TMEM132C: variants seen among roughly 807,000 people sequenced by gnomAD.
TMEM132C encodes the protein protein phosphatase 1, regulatory subunit 152.
In TMEM132C, 29 loss-of-function variants were observed where a neutral mutation model predicts 61.4. The ratio of observed to expected loss-of-function variants is 0.47; its 90% CI spans 0.35 to 0.64. The LOEUF is 0.64. TMEM132C is among the 30% of genes least tolerant of loss of function. The probability of loss-of-function intolerance (pLI) is 0.00; values close to 1 mark genes in which losing one functional copy is unlikely to be tolerated. For missense variants in TMEM132C, 1,408 were observed against 1,476.9 expected, an observed-to-expected ratio of 0.95 and a Z score of 0.76; for synonymous variants, 656 against 633.1, an observed-to-expected ratio of 1.04 and a Z score of -0.54.
Position 128,325,947 on chromosome 12 carries a change from C to CAGTG in TMEM132C, c.85+58463_85+58466dup, listed in dbSNP as rs531714472. On this transcript the variant is annotated intron_variant, in intron 1 of 8. Transcript: ENST00000435159. ...TCTTGCTCCTCGGTCTGCAGCCCCA[C>CAGTG]AGTGAGCAGGACATATGTGGTCCCT... Among the ~76,000 whole-genome samples, 62 of 152,208 alleles carry CAGTG rather than the reference C, an allele frequency of 4.1e-4. No homozygotes were observed. The South Asian group carries it at 0.013, about 32-fold the overall frequency.
intron 1 of TMEM132C, among the ~76,000 whole-genome samples, chr12:128,359,579 GA>G (rs1480851569): frequency 2.0e-5 from 3 of 152,140 alleles, no homozygotes; most frequent in Non-Finnish European, 4.4e-5. Flanking sequence ...AGTCACATGA[GA>G]AAAAACAGCC....
At chr12:128,571,956 T>C (rs759119799) in intron 3 of TMEM132C, among the ~76,000 whole-genome samples, 3 of 152,246 alleles carry the variant, frequency 2.0e-5, no homozygotes, top group Non-Finnish European at 4.4e-5. Flanking sequence ...GGGTAGAGAA[T>C]TACTGGCTGT....
intron 1 of TMEM132C, among the ~76,000 whole-genome samples, chr12:128,366,013 G>A (rs984143736): frequency 3.3e-5 from 5 of 152,324 alleles, no homozygotes; most frequent in Non-Finnish European, 5.9e-5. Flanking sequence ...TCCGCGGGCC[G>A]TGATTAAACA....
intron 3 of TMEM132C, among the ~76,000 whole-genome samples, chr12:128,572,553 A>G (rs924906477): frequency 6.8e-6 from 1 of 147,404 alleles, no homozygotes; most frequent in Non-Finnish European, 1.5e-5. Flanking sequence ...TCACATGCTT[A>G]CTTGTGGCGT....
At chr12:128,330,338 G>T (rs1422892678) in intron 1 of TMEM132C, among the ~76,000 whole-genome samples, 16 of 152,234 alleles carry the variant, frequency 1.1e-4, no homozygotes, top group Non-Finnish European at 2.9e-5. Flanking sequence ...ATTCCTCTCT[G>T]CTGTGTGATC....
At chr12:128,641,531 G>C (rs1954157824) in intron 4 of TMEM132C, among the ~76,000 whole-genome samples, 1 of 152,176 alleles carries the variant, frequency 6.6e-6, no homozygotes, top group Non-Finnish European at 1.5e-5. Context: ...TGGGAAGAGG[G>C]AGGCAGAGAT....
At chr12:128,583,108 A>T (rs530942957) in intron 3 of TMEM132C, among the ~76,000 whole-genome samples, 1 of 152,214 alleles carries the variant, frequency 6.6e-6, no homozygotes, top group Non-Finnish European at 1.5e-5. Flanking sequence ...ACTGAAAACA[A>T]CCCAAAAGTT....
At chr12:128,628,917 A>G (rs1361672634) in intron 4 of TMEM132C, among the ~76,000 whole-genome samples, 1 of 152,250 alleles carries the variant, frequency 6.6e-6, no homozygotes, top group Non-Finnish European at 1.5e-5. Context: ...GTCAGCCTTT[A>G]TTCTACAGCC....
At chr12:128,589,328 A>G (rs756363572) in intron 3 of TMEM132C, among the ~76,000 whole-genome samples, 23 of 152,036 alleles carry the variant, frequency 1.5e-4, no homozygotes, top group Non-Finnish European at 2.5e-4. Context: ...CCAAGATCAG[A>G]CTTTTCTGCA....
At chr12:128,520,394 A>T (rs1872861434) in intron 2 of TMEM132C, among the ~76,000 whole-genome samples, 1 of 152,252 alleles carries the variant, frequency 6.6e-6, no homozygotes, top group Admixed American at 6.5e-5. Flanking sequence ...TGTGAGCAAA[A>T]GAGATGTGTT....
At chr12:128,574,810 A>G (rs73161905) in intron 3 of TMEM132C, among the ~76,000 whole-genome samples, 19,006 of 152,222 alleles carry the variant, frequency 0.12, 1,240 homozygotes, top group Middle Eastern at 0.16. Flanking sequence ...GAATTTGGCC[A>G]GTGCAGGCAG....
At chr12:128,664,212 ATGCC>A (rs1954433620) in intron 4 of TMEM132C, among the ~76,000 whole-genome samples, 8 of 91,048 alleles carry the variant, frequency 8.8e-5, no homozygotes, top group African/African-American at 4.4e-4. Flanking sequence ...GCACACACAC[ATGCC>A]TGTGTGTGTT....
chr12:128,317,107 G>A (rs1872177638), intron 1 of TMEM132C, among the ~76,000 whole-genome samples: 1 of 152,100 alleles, frequency 6.6e-6, no homozygotes, highest in Admixed American at 6.5e-5. Flanking sequence ...CTTTTTGGCT[G>A]CTCAAAACCA....
chr12:128,684,955 A>G (rs544995902), intron 5 of TMEM132C, among the ~76,000 whole-genome samples: 3 of 152,328 alleles, frequency 2.0e-5, no homozygotes, highest in African/African-American at 7.2e-5. Flanking sequence ...CTCTGGGGTG[A>G]GAACAGGTAC....
chr12:128,421,305 C>T (rs1240383160), intron 2 of TMEM132C, among the ~76,000 whole-genome samples: 2 of 152,228 alleles, frequency 1.3e-5, no homozygotes, highest in Non-Finnish European at 2.9e-5. Flanking sequence ...CCATATCTCT[C>T]CAGCTGCCTC....
intron 1 of TMEM132C, among the ~76,000 whole-genome samples, chr12:128,339,164 G>A (rs1400539223): frequency 1.3e-5 from 2 of 152,098 alleles, no homozygotes; most frequent in East Asian, 1.9e-4. Flanking sequence ...CAAAGCACTG[G>A]AGGTCAGCCC....
chr12:128,504,472 A>G (rs1872288869), intron 2 of TMEM132C, among the ~76,000 whole-genome samples: 1 of 152,202 alleles, frequency 6.6e-6, no homozygotes, highest in Non-Finnish European at 1.5e-5. Flanking sequence ...GGCTGCCATA[A>G]GATGATACCA....
intron 1 of TMEM132C, among the ~76,000 whole-genome samples, chr12:128,295,764 A>G (rs1278583153): frequency 1.4e-5 from 2 of 146,820 alleles, no homozygotes. Context: ...TTCAGTTTTA[A>G]GCACCAATTA....
At position 128,361,102 on chromosome 12, in the gene TMEM132C, G is replaced by A. The variant is rs114547420; in HGVS notation, c.86-53630G>A. ...GGGCAGGGGAAGGCGGATCATGCTC[G>A]CTGTTAGATCATAATGCTTGAGTTT... On this transcript the variant is annotated intron_variant, in intron 1 of 8. Coordinates refer to ENST00000435159, the MANE Select transcript of TMEM132C (RefSeq NM_001136103.3). 1.0e-3 allele frequency among the ~76,000 whole-genome samples: 154 copies of A among 152,274 alleles called. 1 individual carries two copies. Among genetic ancestry groups the A allele is most frequent in the African/African-American group, 3.5e-3 (147 of 41,558 alleles).
Sources: gnomAD v4.1 joint callset for allele counts (sites outside exome capture counted in the v4.1 genomes callset) on GRCh38, gnomAD v4.1.1 for gene constraint, MANE v1.5 for transcripts, NCBI Gene and HGNC (gene_info 2026-07-23, HGNC 2026-07-21) for gene names.